The following CDH4 variants were observed in gnomAD, a reference collection of about 807,000 sequenced individuals.
The protein encoded by CDH4 is cadherin-4.
Under a neutral mutation model 86.0 loss-of-function variants are expected in CDH4, and 33 were observed. The observed-to-expected ratio is 0.38, with a 90% confidence interval of 0.29 to 0.51. The LOEUF is 0.51. Among genes scored for constraint, CDH4 ranks in the 20% least tolerant of loss-of-function variants. The pLI is 0.86. For synonymous variants in CDH4, 555 were observed against 549.4 expected, an observed-to-expected ratio of 1.01 and a Z score of -0.14; for missense variants, 1,114 against 1,307.4, an observed-to-expected ratio of 0.85 and a Z score of 2.28.
chr20:61,907,454 C>T (rs2054802236), intron 8 of CDH4, among the ~76,000 whole-genome samples: 1 of 152,184 alleles, frequency 6.6e-6, no homozygotes, highest in Admixed American at 6.5e-5. Context: ...GTACCTCACT[C>T]TCAGGCATGT....
At chr20:61,657,964 G>T (rs2087210226) in intron 2 of CDH4, among the ~76,000 whole-genome samples, 1 of 152,178 alleles carries the variant, frequency 6.6e-6, no homozygotes, top group Non-Finnish European at 1.5e-5. Flanking sequence ...TGTGTCTTGT[G>T]GTTCTGCTTT....
In CDH4 at chr20:61,743,156, A is replaced by G. The variant is rs527446123; in HGVS notation, c.170-407A>G. On this transcript the variant is annotated intron_variant, in intron 2 of 15. Transcript: ENST00000614565. ...GAAAAACAGGTCCATTAGTGGCTTC[A>G]CAGTCTCTGCTGGCAGGAAGAAGAT... Among the ~76,000 whole-genome samples, 23 of 152,310 alleles carry G rather than the reference A, an allele frequency of 1.5e-4. No homozygotes were observed. The South Asian group carries it at 4.8e-3, about 32-fold the overall frequency.
intron 9 of CDH4, among the ~76,000 whole-genome samples, chr20:61,913,297 C>T (rs1024179369): frequency 6.6e-6 from 1 of 152,226 alleles, no homozygotes. Context: ...GAAAGCCTGA[C>T]CCCTAAGGAC....
chr20:61,702,518 C>A (rs1234173545), intron 2 of CDH4, among the ~76,000 whole-genome samples: 1 of 152,234 alleles, frequency 6.6e-6, no homozygotes, highest in East Asian at 1.9e-4. Context: ...TGTTACGGTC[C>A]TTGCAGGCAT....
chr20:61,306,217 C>CTCAAGAAA (rs2084416390), intron 2 of CDH4, among the ~76,000 whole-genome samples: 1 of 152,296 alleles, frequency 6.6e-6, no homozygotes, highest in South Asian at 2.1e-4. Context: ...TGAATCTGGA[C>CTCAAGAAA]TCAAGAAATT....
intron 2 of CDH4, among the ~76,000 whole-genome samples, chr20:61,677,923 G>A (rs918685112): frequency 2.0e-5 from 3 of 151,980 alleles, no homozygotes; most frequent in Admixed American, 2.0e-4. Context: ...AGATACATTA[G>A]ATAGATGATG....
At chr20:61,735,484 C>T (rs548428965) in intron 2 of CDH4, among the ~76,000 whole-genome samples, 1 of 152,102 alleles carries the variant, frequency 6.6e-6, no homozygotes, top group African/African-American at 2.4e-5. Context: ...CCTGCAGGGA[C>T]CACAGCCCAG....
rs2085561348 is a variant in CDH4 at position 61,480,244 on chromosome 20, C to T, written c.169+225307C>T. 6.6e-6 allele frequency among the ~76,000 whole-genome samples: 1 copy of T among 152,144 alleles called. No individual in the cohort carries two copies. Among genetic ancestry groups the T allele is most frequent in the African/African-American group, 2.4e-5 (1 of 41,422 alleles). ...CACCCCAGGAGGACCCCAGGCTCCCCCTCTCGTGGTAGCCTGGAAACTCCC... is the reference window on the plus strand; with the variant it reads ...CACCCCAGGAGGACCCCAGGCTCCCTCTCTCGTGGTAGCCTGGAAACTCCC... On this transcript the variant is annotated intron_variant, in intron 2 of 15. Coordinates refer to ENST00000614565, the MANE Select transcript of CDH4 (RefSeq NM_001794.5). This position sits in a 1 kb window ranked among gnomAD's most constrained non-coding sequence, Gnocchi z 5.2.
At position 61,319,793 on chromosome 20, in the gene CDH4, A is replaced by C. The variant is rs529534614; in HGVS notation, c.169+64856A>C. On this transcript the variant is annotated intron_variant, in intron 2 of 15. Coordinates refer to ENST00000614565, the MANE Select transcript of CDH4 (RefSeq NM_001794.5). The stretch of plus-strand genomic sequence containing the variant: ...TAAAACACCATCTCAATTAAAAAAA[A>C]AAAAAACAAAATTAACCAGGCGTGG... 3.9e-5 allele frequency among the ~76,000 whole-genome samples: 6 copies of C among 152,044 alleles called. No homozygotes were observed. The South Asian group carries it at 8.3e-4, about 21-fold the overall frequency.
intron 2 of CDH4, among the ~76,000 whole-genome samples, chr20:61,554,794 AC>A (rs1365482812): frequency 1.7e-4 from 26 of 152,378 alleles, no homozygotes; most frequent in African/African-American, 5.5e-4. Context: ...ATGTTTTCAC[AC>A]GTGCACATGT....
chr20:61,599,126 G>A (rs995159461), intron 2 of CDH4, among the ~76,000 whole-genome samples: 11 of 152,156 alleles, frequency 7.2e-5, no homozygotes, highest in Non-Finnish European at 1.3e-4. Flanking sequence ...CTGCAGGTTG[G>A]TGGATCTCCC....
intron 7 of CDH4, among the ~76,000 whole-genome samples, chr20:61,890,193 T>TGATG (rs1555853764): frequency 1.1e-4 from 3 of 26,314 alleles, no homozygotes; most frequent in South Asian, 1.7e-3. Context: ...GATGGATAGA[T>TGATG]GATGGATGGA....
At chr20:61,368,844 A>G (rs1220656734) in intron 2 of CDH4, among the ~76,000 whole-genome samples, 3 of 152,134 alleles carry the variant, frequency 2.0e-5, no homozygotes, top group African/African-American at 7.2e-5. Flanking sequence ...TAGCAACCCA[A>G]AGGTACTAAA....
intron 2 of CDH4, among the ~76,000 whole-genome samples, chr20:61,272,951 A>G (rs1183139582): frequency 1.5e-5 from 1 of 67,052 alleles, no homozygotes; most frequent in Non-Finnish European, 2.7e-5. Context: ...AGTTTGGGGG[A>G]GTATTGGGGG....
chr20:61,867,567 G>GAA (rs1252465650), intron 6 of CDH4, among the ~76,000 whole-genome samples: 12 of 149,770 alleles, frequency 8.0e-5, no homozygotes, highest in Admixed American at 2.0e-4. Flanking sequence ...AAAAAAGAGA[G>GAA]AGAGAGAGCT....
chr20:61,901,785 G>GA lies in CDH4; in HGVS notation c.1188+6738_1188+6739insA, dbSNP rs540110655. Among the ~76,000 whole-genome samples, 45 of 152,384 alleles carry GA rather than the reference G, an allele frequency of 3.0e-4. 1 individual carries two copies. In the South Asian group the frequency reaches 8.9e-3, roughly 30 times the overall value. On this transcript the variant is annotated intron_variant, in intron 8 of 15. Coordinates refer to ENST00000614565, the MANE Select transcript of CDH4 (RefSeq NM_001794.5). Reference sequence around the variant, plus strand: ...TCCCACGCTGGCCCATGGGGTTGGGGTGACAAGGGCAGCAGCAGAGTCCCA... The same window carrying GA: ...TCCCACGCTGGCCCATGGGGTTGGGGATGACAAGGGCAGCAGCAGAGTCCCA...
At chr20:61,259,806 A>T (rs1281424694) in intron 2 of CDH4, among the ~76,000 whole-genome samples, 1 of 152,212 alleles carries the variant, frequency 6.6e-6, no homozygotes, top group Non-Finnish European at 1.5e-5. Flanking sequence ...GTATCTAATT[A>T]GGTTAGTCTA....
At chr20:61,531,705 C>T (rs904325682) in intron 2 of CDH4, among the ~76,000 whole-genome samples, 3 of 152,152 alleles carry the variant, frequency 2.0e-5, no homozygotes, top group Admixed American at 2.0e-4. Context: ...GGATGCAGCA[C>T]GGTGGAGCCC....
At chr20:61,899,850 T>C (rs1208490953) in intron 8 of CDH4, among the ~76,000 whole-genome samples, 1 of 152,230 alleles carries the variant, frequency 6.6e-6, no homozygotes, top group Non-Finnish European at 1.5e-5. Flanking sequence ...AGTGCCTGGT[T>C]ATCACAGTTG....
Sources: allele counts gnomAD v4.1 joint callset (sites outside exome capture counted in the v4.1 genomes callset), GRCh38; gene constraint gnomAD v4.1.1; non-coding constraint Gnocchi (gnomAD v3.1); transcripts MANE v1.5; gene names NCBI Gene and HGNC (gene_info 2026-07-23, HGNC 2026-07-21).